The following HLCS variants were observed in gnomAD, a reference collection of about 807,000 sequenced individuals.
The protein encoded by HLCS is biotin--protein ligase.
A neutral mutation model predicts 75.0 loss-of-function variants in HLCS; 53 were observed. The ratio of observed to expected loss-of-function variants is 0.71; its 90% confidence interval spans 0.57 to 0.89. HLCS has a LOEUF of 0.89. Ranked by LOEUF, HLCS falls within the 40% of genes least tolerant of loss-of-function variation. HLCS has a pLI of 0.00. For missense variants in HLCS, 966 were observed against 1,074.0 expected, an observed-to-expected ratio of 0.90 and a Z score of 1.41; for synonymous variants, 431 against 428.6, an observed-to-expected ratio of 1.01 and a Z score of -0.07.
At chr21:36,904,608 T>C (rs1344874603) in intron 5 of HLCS, among the ~76,000 whole-genome samples, 2 of 152,162 alleles carry the variant, frequency 1.3e-5, no homozygotes, top group South Asian at 2.1e-4. Flanking sequence ...TTAAGTACCA[T>C]AGGAAGCATT....
At chr21:36,978,222 G>A (rs567694964) in intron 1 of HLCS, among the ~76,000 whole-genome samples, 4 of 152,238 alleles carry the variant, frequency 2.6e-5, no homozygotes, top group African/African-American at 9.6e-5. Context: ...GGGGCCAAAC[G>A]CGGTGGTTCA....
intron 6 of HLCS, among the ~76,000 whole-genome samples, chr21:36,805,505 C>A (rs2061335782): frequency 6.6e-6 from 1 of 152,168 alleles, no homozygotes; most frequent in African/African-American, 2.4e-5. Context: ...ATTAAGGGCC[C>A]CTCTTGTCTG....
intron 6 of HLCS, among the ~76,000 whole-genome samples, chr21:36,827,414 C>CA (rs1173480388): frequency 7.3e-4 from 107 of 147,092 alleles, no homozygotes; most frequent in African/African-American, 1.4e-3. Flanking sequence ...ACTAAAAATA[C>CA]AAAAAAAAAA....
chr21:36,924,650 C>T (rs2066322878), intron 5 of HLCS, among the ~76,000 whole-genome samples: 1 of 152,184 alleles, frequency 6.6e-6, no homozygotes, highest in Non-Finnish European at 1.5e-5. Context: ...GACTCCTTCC[C>T]CGCCCTGCCC....
At chr21:36,986,918 A>G (rs1253407313) in intron 1 of HLCS, 1 of 152,186 alleles carries the variant, frequency 6.6e-6, no homozygotes, top group Non-Finnish European at 1.5e-5. Context: ...ACCTCTGTTT[A>G]TGTATTTGTT....
intron 6 of HLCS, among the ~76,000 whole-genome samples, chr21:36,823,610 G>GGTGTGTGTGTGTGT (rs59724760): frequency 0.061 from 8,071 of 132,680 alleles, 280 homozygotes; most frequent in Middle Eastern, 0.088. Context: ...AAACGTGCAG[G>GGTGTGTGTGTGTGT]GTGTGTGTGT....
intron 10 of HLCS, among the ~76,000 whole-genome samples, chr21:36,756,257 T>C (rs540702554): frequency 6.6e-6 from 1 of 150,820 alleles, no homozygotes; most frequent in Admixed American, 6.6e-5. Context: ...GCTAACACGG[T>C]GAAACCCCAC....
intron 6 of HLCS, among the ~76,000 whole-genome samples, chr21:36,876,509 C>G (rs934535423): frequency 2.0e-5 from 3 of 152,278 alleles, no homozygotes; most frequent in African/African-American, 7.2e-5. Flanking sequence ...TCTTGCTTGA[C>G]CAATGGACTA....
chr21:36,805,030 T>C (rs149674132), intron 6 of HLCS, among the ~76,000 whole-genome samples: 2 of 152,256 alleles, frequency 1.3e-5, no homozygotes, highest in East Asian at 3.9e-4. Flanking sequence ...GCAAAGGACA[T>C]TGTGGAGAGA....
At chr21:36,909,986 G>T (rs1359579855) in intron 5 of HLCS, among the ~76,000 whole-genome samples, 1 of 152,192 alleles carries the variant, frequency 6.6e-6, no homozygotes, top group East Asian at 1.9e-4. Flanking sequence ...ATCGTAAGTT[G>T]CTAGGCAGCC....
intron 5 of HLCS, among the ~76,000 whole-genome samples, chr21:36,926,159 C>A (rs1488729617): frequency 6.6e-6 from 1 of 152,128 alleles, no homozygotes; most frequent in African/African-American, 2.4e-5. Context: ...TGGAGAGGTC[C>A]CCATATATAT....
At chr21:36,982,447 A>G (rs1327077435) in intron 1 of HLCS, among the ~76,000 whole-genome samples, 1 of 152,234 alleles carries the variant, frequency 6.6e-6, no homozygotes, top group Non-Finnish European at 1.5e-5. Context: ...AAGCAGTTAT[A>G]CCAATGTACA....
intron 6 of HLCS, among the ~76,000 whole-genome samples, chr21:36,861,945 C>G (rs370872200): frequency 3.9e-4 from 60 of 152,296 alleles, no homozygotes; most frequent in African/African-American, 1.4e-3. Flanking sequence ...TCCTCCACCC[C>G]CCTCAACCAA....
intron 6 of HLCS, among the ~76,000 whole-genome samples, chr21:36,866,131 T>TA (rs11464250): frequency 1 from 152,312 of 152,312 alleles, 76,156 homozygotes; most frequent in Non-Finnish European, 1. Flanking sequence ...ATACATTTTA[T>TA]ACCTTTCAAT....
Position 36,751,164 on chromosome 21 carries a change from A to C in HLCS, c.*3082T>G, listed in dbSNP as rs1021749744. 7.9e-5 allele frequency: 12 copies of C among 152,668 alleles called. No individual in the cohort carries two copies. The highest frequency in any genetic ancestry group is 2.9e-4 in the African/African-American group (12 of 41,448). The allele number at this position is 152,668 out of a possible 1,614,324, so 9.5% of individuals were successfully genotyped here. On this transcript the variant is annotated 3_prime_UTR_variant, in exon 11 of 11. Transcript: ENST00000674895. ...GTAGTTGCCTACTTTTAAAAATGAA[A>C]CTTGTAAAAATAAGAGGGAGCCCAA...
At chr21:36,933,248 A>T (rs1383308169) in intron 4 of HLCS, among the ~76,000 whole-genome samples, 1 of 152,130 alleles carries the variant, frequency 6.6e-6, no homozygotes, top group Non-Finnish European at 1.5e-5. Context: ...ATGGGACAAC[A>T]GGTCAGGTGG....
At position 36,913,423 on chromosome 21, in the gene HLCS, G is replaced by C. The variant is rs533196703; in HGVS notation, c.1621-16292C>G. ...TCAGAGCTGGGGGTGGGGTAGGAGG[G>C]AGAAGGGCAGTGGGCAGGGGTGGGA... is the stretch of plus-strand genomic sequence containing the variant. On this transcript the variant is annotated intron_variant, in intron 5 of 10. Coordinates refer to ENST00000674895, the MANE Select transcript of HLCS (RefSeq NM_001352514.2). Among the ~76,000 whole-genome samples the C allele has an allele frequency of 8.1e-4, 124 of 152,190 alleles. 1 individual carries two copies. Among genetic ancestry groups the C allele is most frequent in the Non-Finnish European group, 6.5e-4 (44 of 68,004 alleles).
intron 6 of HLCS, among the ~76,000 whole-genome samples, chr21:36,877,638 G>A (rs2064036512): frequency 6.6e-6 from 1 of 152,138 alleles, no homozygotes; most frequent in Non-Finnish European, 1.5e-5. Flanking sequence ...ATATATGTGT[G>A]TTGGGGGAGT....
At chr21:36,982,510 C>G (rs2069142073) in intron 1 of HLCS, among the ~76,000 whole-genome samples, 1 of 152,218 alleles carries the variant, frequency 6.6e-6, no homozygotes, top group Admixed American at 6.5e-5. Flanking sequence ...AGGTCAAACA[C>G]ATTTTCCTTT....
Sources: allele counts gnomAD v4.1 joint callset (sites outside exome capture counted in the v4.1 genomes callset), GRCh38; gene constraint gnomAD v4.1.1; transcripts MANE v1.5; gene names NCBI Gene and HGNC (gene_info 2026-07-23, HGNC 2026-07-21).